The following ROBO2 variants were observed in gnomAD, a reference collection of about 807,000 sequenced individuals.
ROBO2 encodes the protein roundabout guidance receptor 2.
A neutral mutation model predicts 160.8 loss-of-function variants in ROBO2; 53 were observed. That is an observed-to-expected ratio of 0.33 (90% CI 0.26 to 0.41). ROBO2 has a LOEUF of 0.41. ROBO2 is among the 10% of genes least tolerant of loss of function. ROBO2 has a pLI of 1.00. For synonymous variants in ROBO2, 664 were observed against 611.7 expected (o/e 1.09, Z -1.26); for missense variants, 1,577 against 1,722.4 (o/e 0.92, Z 1.49).
At chr3:76,883,031 C>A (rs1040203455) in intron 2 of ROBO2, among the ~76,000 whole-genome samples, 3 of 152,152 alleles carry the variant, frequency 2.0e-5, no homozygotes, top group Admixed American at 6.6e-5. Flanking sequence ...AGAATGGCCT[C>A]TTTTGCTTAC....
chr3:76,937,962 TA>T (rs1029093785), intron 2 of ROBO2, among the ~76,000 whole-genome samples: 6 of 152,134 alleles, frequency 3.9e-5, no homozygotes, highest in Non-Finnish European at 8.8e-5. Flanking sequence ...AGGATTCAAG[TA>T]AAACACCAGC....
chr3:76,038,073 T>A (rs182275000), intron 2 of ROBO2, among the ~76,000 whole-genome samples: 2 of 152,128 alleles, frequency 1.3e-5, no homozygotes, highest in Admixed American at 1.3e-4. Context: ...CTCATTTGTA[T>A]TTTTAGAGAA....
chr3:76,075,393 C>T (rs1240600325), intron 2 of ROBO2, among the ~76,000 whole-genome samples: 6 of 151,638 alleles, frequency 4.0e-5, no homozygotes, highest in Non-Finnish European at 7.4e-5. Flanking sequence ...AGTTTCTGTA[C>T]GCTCTTCCTC....
At chr3:77,177,691 C>T (rs1482469332) in intron 2 of ROBO2, among the ~76,000 whole-genome samples, 1 of 151,918 alleles carries the variant, frequency 6.6e-6, no homozygotes, top group East Asian at 1.9e-4. Context: ...CTGTGGTTTA[C>T]AGTCTAGTTT....
At chr3:76,310,443 T>C (rs71195260) in intron 2 of ROBO2, among the ~76,000 whole-genome samples, 3,545 of 152,300 alleles carry the variant, frequency 0.023, 52 homozygotes, top group Non-Finnish European at 0.034. Flanking sequence ...ACTGACTTCA[T>C]TGAACACAGA....
At position 77,058,801 on chromosome 3, in the gene ROBO2, G is replaced by A. The variant is rs558288612; in HGVS notation, c.61+17955G>A. On this transcript the variant is annotated intron_variant, in intron 1 of 25. Coordinates refer to ENST00000461745, the Ensembl canonical transcript of ROBO2. ...GATCCACCCACGTCGACCTCCCAAA[G>A]TACTGGGATTACAGAGGCAAGCCGC... Among the ~76,000 whole-genome samples, 4 of 152,056 alleles carry A rather than the reference G, an allele frequency of 2.6e-5. No homozygotes were observed. The South Asian group carries it at 8.3e-4, about 32-fold the overall frequency.
intron 2 of ROBO2, among the ~76,000 whole-genome samples, chr3:76,095,714 T>C (rs1335371709): frequency 6.6e-6 from 1 of 151,176 alleles, no homozygotes; most frequent in Non-Finnish European, 1.5e-5. Context: ...ATGGCACATA[T>C]ATTATGAATT....
At chr3:76,788,279 A>G (rs1425926229) in intron 2 of ROBO2, among the ~76,000 whole-genome samples, 1 of 151,502 alleles carries the variant, frequency 6.6e-6, no homozygotes, top group Non-Finnish European at 1.5e-5. Context: ...TACTTGACAC[A>G]GCACATACTC....
At chr3:76,647,335 T>C (rs946775788) in intron 2 of ROBO2, among the ~76,000 whole-genome samples, 5 of 152,110 alleles carry the variant, frequency 3.3e-5, no homozygotes, top group Non-Finnish European at 5.9e-5. Flanking sequence ...AAGCCCTTCC[T>C]CCTCTAGCCT....
intron 2 of ROBO2, among the ~76,000 whole-genome samples, chr3:76,430,744 G>A (rs745423087): frequency 9.9e-5 from 15 of 151,822 alleles, no homozygotes; most frequent in African/African-American, 2.7e-4. Flanking sequence ...CAACCCCAGC[G>A]TTTAACTCAG....
chr3:76,008,232 C>CAAAAA (rs5850225), intron 2 of ROBO2, among the ~76,000 whole-genome samples: 38 of 82,218 alleles, frequency 4.6e-4, no homozygotes, highest in African/African-American at 1.5e-3. Context: ...AAGACTCTGT[C>CAAAAA]AAAAAAAAAA....
At position 76,266,607 on chromosome 3, in the gene ROBO2, GTCATACAGAGTAAC is replaced by G. The variant is rs1243688943; in HGVS notation, c.109+329006_109+329019del. On this transcript the variant is annotated intron_variant, in intron 2 of 26. Transcript: ENST00000487694. ...CAAGATTATGTTTGTATTTTCAGGG[GTCATACAGAGTAAC>G]ATTGGGGATTTATTATGAATGTTCT... Among the ~76,000 whole-genome samples, 4 of 152,024 alleles carry G rather than the reference GTCATACAGAGTAAC, an allele frequency of 2.6e-5. No individual in the cohort carries two copies. The East Asian group carries it at 7.7e-4, about 29-fold the overall frequency.
rs145254792 is a variant in ROBO2, at chr3:76,054,728, A to C, written c.109+117126A>C. The stretch of plus-strand genomic sequence containing the variant: ...GTCCATAATAATTGTTTCAGAAATA[A>C]TTTTAAACATGGAAGTTTGAAATGC... On this transcript the variant is annotated intron_variant, in intron 2 of 26. Transcript: ENST00000487694. 3.2e-3 allele frequency among the ~76,000 whole-genome samples: 483 copies of C among 152,310 alleles called. 4 individuals carry two copies. Among genetic ancestry groups the C allele is most frequent in the African/African-American group, 0.011 (469 of 41,574 alleles).
intron 2 of ROBO2, among the ~76,000 whole-genome samples, chr3:76,803,577 C>G (rs1028025977): frequency 1.1e-4 from 16 of 151,950 alleles, no homozygotes; most frequent in Admixed American, 3.3e-4. Flanking sequence ...AAAAAACACA[C>G]AGACGTACAC....
intron 2 of ROBO2, among the ~76,000 whole-genome samples, chr3:77,333,851 T>G (rs1053653423): frequency 9.9e-5 from 15 of 152,192 alleles, no homozygotes; most frequent in Non-Finnish European, 2.1e-4. Context: ...GTTTCTCTTT[T>G]TTCTGAAATA....
At chr3:77,151,120 CAAAAG>C (rs1438493839) in intron 2 of ROBO2, among the ~76,000 whole-genome samples, 3 of 151,952 alleles carry the variant, frequency 2.0e-5, no homozygotes, top group Admixed American at 2.0e-4. Flanking sequence ...CTCTTTTGAT[CAAAAG>C]AAAAGAATGG....
intron 2 of ROBO2, among the ~76,000 whole-genome samples, chr3:77,368,469 T>G (rs1268117797): frequency 4.6e-5 from 7 of 152,302 alleles, no homozygotes; most frequent in African/African-American, 1.7e-4. Context: ...AGCACCAAAT[T>G]TGCTCATTGG....
intron 2 of ROBO2, among the ~76,000 whole-genome samples, chr3:76,317,328 CATT>C (rs1001302785): frequency 2.0e-5 from 3 of 152,140 alleles, no homozygotes; most frequent in Non-Finnish European, 2.9e-5. Context: ...GCTGGGAAAT[CATT>C]TTTATTACAA....
chr3:76,234,368 A>G (rs1370038175), intron 2 of ROBO2, among the ~76,000 whole-genome samples: 1 of 152,160 alleles, frequency 6.6e-6, no homozygotes, highest in Non-Finnish European at 1.5e-5. Context: ...TTCTTTGAGG[A>G]ATCTCTAAAC....
Sources: gnomAD v4.1 joint callset for allele counts (sites outside exome capture counted in the v4.1 genomes callset) on GRCh38, gnomAD v4.1.1 for gene constraint, MANE v1.5 for transcripts, NCBI Gene and HGNC (gene_info 2026-07-23, HGNC 2026-07-21) for gene names.